Variants in ITPR2 observed in about 807,000 individuals in gnomAD.
ITPR2 encodes the protein inositol 1,4,5-trisphosphate-gated calcium channel ITPR2.
Under a neutral mutation model 317.1 loss-of-function variants are expected in ITPR2, and 207 were observed. The observed-to-expected ratio is 0.65, with a 90% CI of 0.58 to 0.73. ITPR2 has a LOEUF of 0.73. Ranked by LOEUF, ITPR2 falls within the 30% of genes least tolerant of loss-of-function variation. The pLI is 0.00. For missense variants in ITPR2, 2,613 were observed against 3,284.0 expected (o/e 0.80, Z 4.99); for synonymous variants, 1,156 against 1,149.1 (o/e 1.01, Z -0.12).
At chr12:26,649,425 A>G (rs1353485055) in intron 21 of ITPR2, 1 of 152,120 alleles carries the variant, frequency 6.6e-6, no homozygotes, top group African/African-American at 2.4e-5. Context: ...TCTACAATCC[A>G]TTTTCAAATT....
intron 14 of ITPR2, among the ~76,000 whole-genome samples, chr12:26,665,395 T>G (rs1947602949): frequency 6.6e-6 from 1 of 152,258 alleles, no homozygotes; most frequent in South Asian, 2.1e-4. Context: ...CTGATATTCC[T>G]GCCTCCTGAT....
chr12:26,638,888 A>G (rs185708186), intron 21 of ITPR2, among the ~76,000 whole-genome samples: 1 of 152,368 alleles, frequency 6.6e-6, no homozygotes, highest in East Asian at 1.9e-4. Context: ...CAACTCAAGT[A>G]CATGATGTGG....
intron 54 of ITPR2, among the ~76,000 whole-genome samples, chr12:26,393,271 T>TG (rs1386419188): frequency 1.3e-5 from 2 of 152,230 alleles, no homozygotes; most frequent in African/African-American, 4.8e-5. Flanking sequence ...CCAGGAACCA[T>TG]GTCTAGACCA....
At chr12:26,518,377 G>A (rs1249640786) in intron 37 of ITPR2, among the ~76,000 whole-genome samples, 1 of 152,150 alleles carries the variant, frequency 6.6e-6, no homozygotes, top group Non-Finnish European at 1.5e-5. Flanking sequence ...TGAGGGTGGA[G>A]GGTGGAAGAA....
chr12:26,622,870 G>A (rs907719858), intron 24 of ITPR2, among the ~76,000 whole-genome samples: 3 of 152,158 alleles, frequency 2.0e-5, no homozygotes, highest in African/African-American at 4.8e-5. Context: ...CAGGTGTGGC[G>A]TATGAGGACT....
intron 26 of ITPR2, among the ~76,000 whole-genome samples, chr12:26,606,444 T>C (rs1198108883): frequency 6.6e-5 from 10 of 151,922 alleles, no homozygotes; most frequent in Non-Finnish European, 1.5e-4. Context: ...AAACAGTAGG[T>C]TCAAAAACAA....
chr12:26,451,809 G>A (rs1231552301), intron 45 of ITPR2, among the ~76,000 whole-genome samples: 1 of 152,042 alleles, frequency 6.6e-6, no homozygotes, highest in Non-Finnish European at 1.5e-5. Flanking sequence ...GGCAAAGCAG[G>A]AGAGAAAAAA....
intron 35 of ITPR2, among the ~76,000 whole-genome samples, chr12:26,559,477 A>G (rs1944754084): frequency 6.6e-6 from 1 of 152,196 alleles, no homozygotes; most frequent in African/African-American, 2.4e-5. Context: ...CTCACATGGT[A>G]GAAGGGCTGA....
chr12:26,595,335 T>C (rs1227935651), intron 32 of ITPR2, 130 bp downstream of exon 32: 6 of 852,562 alleles, frequency 7.0e-6, no homozygotes, highest in African/African-American at 3.5e-5. Context: ...CTGAAATTTA[T>C]TCACAACTTT....
intron 52 of ITPR2, among the ~76,000 whole-genome samples, chr12:26,410,433 A>G (rs1291370012): frequency 6.6e-6 from 1 of 152,186 alleles, no homozygotes; most frequent in Non-Finnish European, 1.5e-5. Context: ...ATAGTCCAAC[A>G]TCTCAAGGAA....
chr12:26,599,990 T>C lies in ITPR2; in HGVS notation c.3798A>G (p.Pro1266=). 6.2e-7 allele frequency: 1 copy of C among 1,601,762 alleles called. No homozygotes were observed. Among genetic ancestry groups the C allele is most frequent in the Non-Finnish European group, 8.5e-7 (1 of 1,169,680 alleles). The change falls in exon 29 of 57, where the codon CCA becomes CCG. Residue 1266 remains proline, a synonymous_variant. Coordinates refer to ENST00000381340, the MANE Select transcript of ITPR2 (RefSeq NM_002223.4). ...LHKHLNLFLT[P]GLLEAETMRH... Reference sequence around the variant, plus strand: ...TAGAAGCCACTAAAATACTTACACCTGGAGTTAAAAACAAATTCAGATGTT... The same window carrying C: ...TAGAAGCCACTAAAATACTTACACCCGGAGTTAAAAACAAATTCAGATGTT...
At chr12:26,339,967 C>T (rs953750156) in intron 56 of ITPR2, among the ~76,000 whole-genome samples, 200 bp downstream of exon 56, 8 of 152,006 alleles carry the variant, frequency 5.3e-5, no homozygotes, top group Non-Finnish European at 1.2e-4. Context: ...GGAGAAGTGT[C>T]GTGTGAGGCT....
chr12:26,346,623 C>CAAA (rs35862587), intron 55 of ITPR2, among the ~76,000 whole-genome samples: 11 of 135,544 alleles, frequency 8.1e-5, no homozygotes, highest in Admixed American at 3.6e-4. Context: ...AAGACTTTCT[C>CAAA]AAAAAAAAAA....
intron 45 of ITPR2, among the ~76,000 whole-genome samples, chr12:26,444,091 C>A (rs990002280): frequency 6.6e-6 from 1 of 152,094 alleles, no homozygotes; most frequent in Non-Finnish European, 1.5e-5. Context: ...CTAAGCTCTA[C>A]ATTAGTAGTT....
At chr12:26,527,756 A>G (rs1038745241) in intron 37 of ITPR2, among the ~76,000 whole-genome samples, 14 of 152,346 alleles carry the variant, frequency 9.2e-5, no homozygotes, top group African/African-American at 2.9e-4. Flanking sequence ...GAGTCCTACA[A>G]TATCTCCCAC....
intron 55 of ITPR2, among the ~76,000 whole-genome samples, chr12:26,373,216 A>G (rs1053517659): frequency 1.3e-5 from 2 of 152,234 alleles, no homozygotes; most frequent in African/African-American, 2.4e-5. Context: ...ATGTAAAGAA[A>G]TATTTTAAAT....
At chr12:26,427,574 C>T (rs781405455) in intron 49 of ITPR2, among the ~76,000 whole-genome samples, 7 of 151,968 alleles carry the variant, frequency 4.6e-5, no homozygotes, top group African/African-American at 7.2e-5. Flanking sequence ...GGATGATTTA[C>T]GATGTCACTT....
At chr12:26,495,817 T>C (rs1486403055) in intron 37 of ITPR2, among the ~76,000 whole-genome samples, 2 of 152,132 alleles carry the variant, frequency 1.3e-5, no homozygotes, top group African/African-American at 2.4e-5. Flanking sequence ...TAGAGGAATT[T>C]AGTCAAAATA....
intron 1 of ITPR2, among the ~76,000 whole-genome samples, chr12:26,790,586 TACACACACACACACAC>T (rs10527860): frequency 1.4e-5 from 2 of 147,708 alleles, no homozygotes; most frequent in South Asian, 4.3e-4. Context: ...CATATATGCT[TACACACACACACACAC>T]ACACACACAC....
Sources: gnomAD v4.1 joint callset for allele counts (sites outside exome capture counted in the v4.1 genomes callset) on GRCh38, gnomAD v4.1.1 for gene constraint, MANE v1.5 for transcripts, NCBI Gene and HGNC (gene_info 2026-07-23, HGNC 2026-07-21) for gene names.